Variants in BIRC6 observed in about 807,000 individuals in gnomAD.
The protein encoded by BIRC6 is dual E2 ubiquitin-conjugating enzyme/E3 ubiquitin-protein ligase BIRC6.
In BIRC6, 98 loss-of-function variants were observed where a neutral mutation model predicts 503.3. The ratio of observed to expected loss-of-function variants is 0.19; its 90% CI spans 0.17 to 0.23. The LOEUF (loss-of-function observed/expected upper bound fraction) is 0.23, where lower values mean the gene tolerates loss of function less well. Ranked by LOEUF, BIRC6 falls within the 10% of genes least tolerant of loss-of-function variation. The probability of loss-of-function intolerance (pLI) is 1.00; values close to 1 mark genes in which losing one functional copy is unlikely to be tolerated. For missense variants in BIRC6, 5,360 were observed against 5,806.0 expected, an observed-to-expected ratio of 0.92 and a Z score of 2.50; for synonymous variants, 2,240 against 2,078.7, an observed-to-expected ratio of 1.08 and a Z score of -2.11.
At position 32,421,173 on chromosome 2, in the gene BIRC6, C is replaced by T. The variant is rs146904233; in HGVS notation, c.2872+5010C>T. 7.4e-3 allele frequency among the ~76,000 whole-genome samples: 1,100 copies of T among 148,268 alleles called. 6 individuals are homozygous for T. Among genetic ancestry groups the T allele is most frequent in the Middle Eastern group, 0.021 (6 of 290 alleles). ...CCAGGCTGGACTGCAGTGGCTCGAT[C>T]TTGGCTAACTGCAACCTCTGCCTCC... On this transcript the variant is annotated intron_variant, in intron 10 of 73. Coordinates refer to ENST00000421745, the MANE Select transcript of BIRC6 (RefSeq NM_016252.4).
rs111300159 is a variant in BIRC6 at position 32,554,547 on chromosome 2, C to T, written c.13144+5066C>T. Among the ~76,000 whole-genome samples the T allele has an allele frequency of 9.4e-3, 1,437 of 152,166 alleles. 20 individuals carry two copies. Among genetic ancestry groups the T allele is most frequent in the Admixed American group, 0.014 (218 of 15,274 alleles). The stretch of plus-strand genomic sequence containing the variant: ...ACATGAGAGAGCAGGCACAGGACTT[C>T]ATTGGGAAAATTATAAAGTATCTAC... On this transcript the variant is annotated intron_variant, in intron 65 of 73. Coordinates refer to ENST00000421745, the MANE Select transcript of BIRC6 (RefSeq NM_016252.4).
At chr2:32,370,162 G>A (rs1388651627) in intron 1 of BIRC6, among the ~76,000 whole-genome samples, 1 of 151,490 alleles carries the variant, frequency 6.6e-6, no homozygotes, top group Non-Finnish European at 1.5e-5. Flanking sequence ...AGATATAACT[G>A]TGATAAATTG....
chr2:32,412,489 C>T (rs1300610965), intron 9 of BIRC6, among the ~76,000 whole-genome samples: 1 of 150,456 alleles, frequency 6.6e-6, no homozygotes, highest in Non-Finnish European at 1.5e-5. Context: ...AATAGTGAGA[C>T]TTTGTCTCAA....
chr2:32,550,191 C>T (rs575033533), intron 65 of BIRC6, among the ~76,000 whole-genome samples: 18 of 152,098 alleles, frequency 1.2e-4, no homozygotes, highest in African/African-American at 4.1e-4. Context: ...CTGTCTTTAT[C>T]TTCTTATGAA....
At chr2:32,502,517 A>AACC (rs1248752713) in intron 47 of BIRC6, among the ~76,000 whole-genome samples, 1 of 152,172 alleles carries the variant, frequency 6.6e-6, no homozygotes. Context: ...AGGTACTTTA[A>AACC]ATGGTTCAAA....
intron 3 of BIRC6, among the ~76,000 whole-genome samples, chr2:32,383,015 C>T (rs1278893966): frequency 3.3e-5 from 5 of 150,958 alleles, no homozygotes; most frequent in East Asian, 2.0e-4. Flanking sequence ...AGCCACCGCA[C>T]GTGGCCTGGT....
chr2:32,412,490 T>C (rs2149963416), intron 9 of BIRC6, among the ~76,000 whole-genome samples: 1 of 151,222 alleles, frequency 6.6e-6, no homozygotes, highest in South Asian at 2.1e-4. Flanking sequence ...ATAGTGAGAC[T>C]TTGTCTCAAA....
intron 47 of BIRC6, 106 bp downstream of exon 47, chr2:32,501,994 C>A: frequency 9.0e-7 from 1 of 1,116,104 alleles, no homozygotes; most frequent in Non-Finnish European, 1.3e-6. Context: ...ATATATCGGA[C>A]AATGAAAAGC....
chr2:32,467,522 T>C lies in BIRC6; in HGVS notation c.5357-3T>C, dbSNP rs903523308. 2.5e-6 allele frequency: 4 copies of C among 1,612,726 alleles called. No homozygotes were observed. The African/African-American group carries it at 4.0e-5, about 16-fold the overall frequency. ...GGTCAACTGTTTCTTCTTTCTCTCA[T>C]AGGAGCAAGAAGATTTGTGACCTTG... On this transcript the variant is annotated splice_region_variant and splice_polypyrimidine_tract_variant and intron_variant, in intron 26 of 73. Coordinates refer to ENST00000421745, the MANE Select transcript of BIRC6 (RefSeq NM_016252.4).
chr2:32,520,461 G>A (rs923487753), intron 57 of BIRC6, among the ~76,000 whole-genome samples: 1 of 152,168 alleles, frequency 6.6e-6, no homozygotes, highest in South Asian at 2.1e-4. Context: ...ATGTTAGACA[G>A]TATTTTCTAT....
intron 61 of BIRC6, among the ~76,000 whole-genome samples, chr2:32,538,911 G>A (rs1257010144): frequency 6.6e-6 from 1 of 152,104 alleles, no homozygotes; most frequent in Non-Finnish European, 1.5e-5. Flanking sequence ...CCATCTCTAT[G>A]ATTGAACAAA....
intron 22 of BIRC6, among the ~76,000 whole-genome samples, chr2:32,452,777 C>T (rs1290164695): frequency 6.6e-6 from 1 of 152,020 alleles, no homozygotes; most frequent in Non-Finnish European, 1.5e-5. Flanking sequence ...GCGTTAATTC[C>T]TAATAACCAC....
chr2:32,496,587 C>T (rs1281028278), intron 45 of BIRC6, among the ~76,000 whole-genome samples: 1 of 152,188 alleles, frequency 6.6e-6, no homozygotes, highest in African/African-American at 2.4e-5. Context: ...TGCATTACCT[C>T]ACTGTCTTAG....
chr2:32,448,714 C>T, intron 21 of BIRC6, 81 bp from the exon 22 acceptor site: 1 of 1,347,194 alleles, frequency 7.4e-7, no homozygotes. Context: ...GTTAGTCAGA[C>T]TGCTTTTAAA....
intron 1 of BIRC6, among the ~76,000 whole-genome samples, chr2:32,360,171 TAATAGGTCTTATGGAC>T (rs2033825407): frequency 6.6e-6 from 1 of 152,116 alleles, no homozygotes; most frequent in African/African-American, 2.4e-5. Context: ...GGTGATACAG[TAATAGGTCTTATGGAC>T]GCCTGGGGTT....
intron 3 of BIRC6, among the ~76,000 whole-genome samples, chr2:32,383,490 C>G (rs191955152): frequency 6.6e-6 from 1 of 152,242 alleles, no homozygotes; most frequent in Non-Finnish European, 1.5e-5. Flanking sequence ...CATGAACGAC[C>G]CATCTTCATT....
rs1023580039 is a variant in BIRC6 at position 32,524,896 on chromosome 2, A to G, written c.11632A>G (p.Ser3878Gly). 2.2e-5 allele frequency: 33 copies of G among 1,472,540 alleles called. No homozygotes were observed. The highest frequency in any genetic ancestry group is 2.8e-5 in the Non-Finnish European group (31 of 1,098,406). The allele number at this position is 1,472,540 out of a possible 1,614,324, so 91.2% of individuals were successfully genotyped here. A position where few individuals can be genotyped will look rare whatever the true frequency, so the allele number is the denominator to read the frequency against. Residue 3878 changes from serine to glycine, a missense_variant, in exon 58 of 74, where the codon AGT becomes GGT. Coordinates refer to ENST00000421745, the MANE Select transcript of BIRC6 (RefSeq NM_016252.4). Reference sequence around the variant, plus strand: ...ATAATATCTTCTTACAGATACTCCAAGTATCACAGCTAAATTAATTAGTGA... The same window carrying G: ...ATAATATCTTCTTACAGATACTCCAGGTATCACAGCTAAATTAATTAGTGA... ...DVLDRVSDTP[S>G]ITAKLISEQK...
At chr2:32,454,817 A>G (rs966342262) in intron 23 of BIRC6, among the ~76,000 whole-genome samples, 2 of 152,192 alleles carry the variant, frequency 1.3e-5, no homozygotes, top group Admixed American at 6.5e-5. Context: ...GAATTGCCTT[A>G]TATATCCAAT....
intron 8 of BIRC6, among the ~76,000 whole-genome samples, chr2:32,403,248 C>G (rs2040795372): frequency 6.6e-6 from 1 of 152,146 alleles, no homozygotes; most frequent in African/African-American, 2.4e-5. Context: ...CTACCTCTCA[C>G]TTTATGTGAC....
Sources: allele counts gnomAD v4.1 joint callset (sites outside exome capture counted in the v4.1 genomes callset), GRCh38; gene constraint gnomAD v4.1.1; transcripts MANE v1.5; gene names NCBI Gene and HGNC (gene_info 2026-07-23, HGNC 2026-07-21).